Variants in GALC observed in about 807,000 individuals in gnomAD.
GALC encodes the protein galactosylceramidase, also known as galactocerebrosidase.
GALC carries 77 observed loss-of-function variants against 91.8 expected under a neutral mutation model. The ratio of observed to expected loss-of-function variants is 0.84; its 90% CI spans 0.70 to 1.01. The LOEUF (loss-of-function observed/expected upper bound fraction) is 1.01, where lower values mean the gene tolerates loss of function less well. Among genes scored for constraint, GALC ranks in the 50% least tolerant of loss-of-function variants. GALC has a pLI of 0.00. For missense variants in GALC, 882 were observed against 855.9 expected, an observed-to-expected ratio of 1.03 and a Z score of -0.38; for synonymous variants, 357 against 306.7, an observed-to-expected ratio of 1.16 and a Z score of -1.71.
chr14:87,967,707 C>T (rs1886113436), intron 8 of GALC, among the ~76,000 whole-genome samples: 1 of 152,106 alleles, frequency 6.6e-6, no homozygotes, highest in African/African-American at 2.4e-5. Context: ...ATCAGACAGG[C>T]TGGGAAGCAG....
At chr14:87,960,445 T>A (rs1885754902) in intron 10 of GALC, among the ~76,000 whole-genome samples, 1 of 152,222 alleles carries the variant, frequency 6.6e-6, no homozygotes, top group South Asian at 2.1e-4. Context: ...GATAAATTCA[T>A]GAGGTGATGG....
At chr14:87,977,162 T>C (rs1484272005) in intron 6 of GALC, among the ~76,000 whole-genome samples, 1 of 152,052 alleles carries the variant, frequency 6.6e-6, no homozygotes, top group African/African-American at 2.4e-5. Context: ...ATACTAATCA[T>C]ACCATTTGGC....
chr14:87,977,032 T>G (rs1471571087), intron 6 of GALC, among the ~76,000 whole-genome samples: 24 of 95,850 alleles, frequency 2.5e-4, no homozygotes, highest in African/African-American at 3.5e-4. Context: ...CATAGAAATA[T>G]GGGGGGGGGG....
intron 10 of GALC, among the ~76,000 whole-genome samples, chr14:87,962,470 T>C (rs1490830888): frequency 6.6e-6 from 1 of 152,086 alleles, no homozygotes; most frequent in East Asian, 1.9e-4. Context: ...TATTTACTGT[T>C]TGTCCTGGCT....
intron 3 of GALC, chr14:87,986,874 C>T: frequency 2.2e-6 from 1 of 464,348 alleles, no homozygotes; most frequent in East Asian, 4.6e-5. Context: ...ATGTTATCAC[C>T]TCATATAACT....
At chr14:87,948,950 C>A (rs996420990) in intron 12 of GALC, among the ~76,000 whole-genome samples, 1 of 151,990 alleles carries the variant, frequency 6.6e-6, no homozygotes, top group Non-Finnish European at 1.5e-5. Flanking sequence ...TGAAACCTTT[C>A]CCCAGAAAGC....
chr14:87,963,109 T>C (rs2139991156), intron 10 of GALC, among the ~76,000 whole-genome samples: 1 of 152,202 alleles, frequency 6.6e-6, no homozygotes, highest in South Asian at 2.1e-4. Context: ...GAAGGTCGTC[T>C]CCACAAATAT....
intron 12 of GALC, among the ~76,000 whole-genome samples, chr14:87,948,278 G>A (rs1197961303): frequency 2.6e-5 from 4 of 151,740 alleles, no homozygotes; most frequent in South Asian, 4.2e-4. Context: ...TATCACTGTC[G>A]ACCCAGCTGT....
chr14:87,941,420 T>C lies in GALC; in HGVS notation c.1809A>G (p.Gly603=), dbSNP rs1884845093. 6.2e-7 allele frequency: 1 copy of C among 1,605,976 alleles called. No homozygotes were observed. Among genetic ancestry groups the C allele is most frequent in the Admixed American group, 1.7e-5 (1 of 59,658 alleles). Residue 603 remains glycine, a synonymous_variant, in exon 15 of 17, where the codon GGA becomes GGG. Transcript: ENST00000261304. ...RGIFFWIFAN[G]SYRVTGDLAG... is the part of the protein sequence containing the mutation. ...CTAAATCACCTGTAACCCTGTAAGATCCATTTGCAAAAATCCAGAAGAAAA... is the reference window on the plus strand; with the variant it reads ...CTAAATCACCTGTAACCCTGTAAGACCCATTTGCAAAAATCCAGAAGAAAA...
intron 3 of GALC, among the ~76,000 whole-genome samples, chr14:87,987,418 T>C (rs1256119148): frequency 6.6e-6 from 1 of 152,218 alleles, no homozygotes; most frequent in Non-Finnish European, 1.5e-5. Flanking sequence ...TTGAAGAAAG[T>C]TTCTGTTATG....
chr14:87,954,568 A>G (rs1429159686), intron 10 of GALC: 1 of 1,566,342 alleles, frequency 6.4e-7, no homozygotes, highest in Admixed American at 1.8e-5. Flanking sequence ...ATGTAAGGGC[A>G]ATTACATTTA....
At chr14:87,947,029 C>T (rs3850377) in intron 13 of GALC, among the ~76,000 whole-genome samples, 69,810 of 151,748 alleles carry the variant, frequency 0.46, 17,730 homozygotes, top group East Asian at 0.75. Flanking sequence ...AGCTCCCTCC[C>T]TATTACTCTC....
intron 10 of GALC, chr14:87,953,698 A>C: frequency 6.2e-7 from 1 of 1,608,572 alleles, no homozygotes; most frequent in Non-Finnish European, 8.5e-7. Flanking sequence ...TAAGAAAATG[A>C]AGTTGATTTC....
chr14:87,992,026 G>A (rs947256011), intron 1 of GALC, among the ~76,000 whole-genome samples: 2 of 152,216 alleles, frequency 1.3e-5, no homozygotes, highest in African/African-American at 4.8e-5. Context: ...CACGGCTGGA[G>A]AGATTGCAAA....
intron 9 of GALC, 81 bp from the exon 10 acceptor site, chr14:87,963,592 T>C: frequency 8.5e-7 from 1 of 1,178,744 alleles, no homozygotes; most frequent in South Asian, 1.3e-5. Context: ...AAGCTGTATA[T>C]CAATTTGAGT....
chr14:87,957,215 T>A (rs1188283510), intron 10 of GALC, among the ~76,000 whole-genome samples: 1 of 152,158 alleles, frequency 6.6e-6, no homozygotes, highest in Admixed American at 6.5e-5. Flanking sequence ...GGGTTGTCTG[T>A]TTACTCCAAT....
chr14:87,941,981 C>T (rs1195099014), intron 14 of GALC, among the ~76,000 whole-genome samples: 2 of 151,802 alleles, frequency 1.3e-5, no homozygotes, highest in African/African-American at 4.8e-5. Flanking sequence ...GAAGGCAATG[C>T]TAGGAGCCTT....
intron 10 of GALC, among the ~76,000 whole-genome samples, chr14:87,956,523 A>G (rs1885553002): frequency 6.6e-6 from 1 of 151,538 alleles, no homozygotes; most frequent in African/African-American, 2.4e-5. Flanking sequence ...GTGTGTGTGT[A>G]TATGTATATA....
chr14:87,955,746 A>AATT (rs1885509462), intron 10 of GALC, among the ~76,000 whole-genome samples: 1 of 152,100 alleles, frequency 6.6e-6, no homozygotes, highest in Non-Finnish European at 1.5e-5. Context: ...TAAAGCGGGG[A>AATT]AGAGCGTTCT....
Sources: gnomAD v4.1 joint callset for allele counts (sites outside exome capture counted in the v4.1 genomes callset) on GRCh38, gnomAD v4.1.1 for gene constraint, MANE v1.5 for transcripts, NCBI Gene and HGNC (gene_info 2026-07-23, HGNC 2026-07-21) for gene names.